The following ADAMTS2 variants were observed in gnomAD, a reference collection of about 807,000 sequenced individuals.
ADAMTS2 encodes A disintegrin and metalloproteinase with thrombospondin motifs 2.
In ADAMTS2, 50 loss-of-function variants were observed where a neutral mutation model predicts 123.0. That is an observed-to-expected ratio of 0.41 (90% CI 0.32 to 0.51). The LOEUF (loss-of-function observed/expected upper bound fraction) is 0.51. ADAMTS2 is among the 20% of genes least tolerant of loss of function. The pLI, the probability that ADAMTS2 is intolerant of heterozygous loss-of-function variation, is 0.35. For synonymous variants in ADAMTS2, 678 were observed against 695.4 expected, an observed-to-expected ratio of 0.98 and a Z score of 0.39; for missense variants, 1,494 against 1,705.2, an observed-to-expected ratio of 0.88 and a Z score of 2.18.
chr5:179,205,972 C>T (rs566590893), intron 4 of ADAMTS2, among the ~76,000 whole-genome samples: 95 of 152,004 alleles, frequency 6.2e-4, no homozygotes, highest in African/African-American at 2.2e-3. Flanking sequence ...GGGGTTTCAC[C>T]GTGGTCTCGA....
At position 179,262,573 on chromosome 5, in the gene ADAMTS2, C is replaced by T. The variant is rs1766261001; in HGVS notation, c.688+10338G>A. Among the ~76,000 whole-genome samples the T allele has an allele frequency of 6.6e-6, 1 of 152,178 alleles. No homozygotes were observed. The highest frequency in any genetic ancestry group is 1.5e-5 in the Non-Finnish European group (1 of 68,040). On this transcript the variant is annotated intron_variant, in intron 3 of 21. Coordinates refer to ENST00000251582, the MANE Select transcript of ADAMTS2 (RefSeq NM_014244.5). The surrounding 1 kb of genome is among the most constrained non-coding windows in gnomAD (Gnocchi z 5.9). Reference sequence around the variant, plus strand: ...CAGGTACTAGCTCTTCCTTCTGCCCCTTGGTCACGCTGCGGTAACTCCAGC... The same window carrying T: ...CAGGTACTAGCTCTTCCTTCTGCCCTTTGGTCACGCTGCGGTAACTCCAGC...
intron 5 of ADAMTS2, among the ~76,000 whole-genome samples, chr5:179,168,796 G>A (rs959710217): frequency 6.6e-6 from 1 of 152,166 alleles, no homozygotes; most frequent in Non-Finnish European, 1.5e-5. Context: ...TGCAAAGTGG[G>A]CTCCCCCAAG....
intron 3 of ADAMTS2, among the ~76,000 whole-genome samples, chr5:179,213,628 C>T (rs970699098): frequency 1.3e-5 from 2 of 152,108 alleles, no homozygotes; most frequent in Admixed American, 6.5e-5. Context: ...AGAACAGGAG[C>T]AAAAGTGTGG....
chr5:179,167,583 G>A (rs1013712581), intron 5 of ADAMTS2, among the ~76,000 whole-genome samples: 4 of 152,122 alleles, frequency 2.6e-5, no homozygotes, highest in African/African-American at 9.7e-5. Flanking sequence ...CTGGAACCGC[G>A]CCCGCCCCGC....
Position 179,260,129 on chromosome 5 carries a change from G to A in ADAMTS2, c.688+12782C>T, listed in dbSNP as rs568682273. Among the ~76,000 whole-genome samples, 1 of 152,174 alleles carries A rather than the reference G, an allele frequency of 6.6e-6. No homozygotes were observed. The highest frequency in any genetic ancestry group is 2.4e-5 in the African/African-American group (1 of 41,512). On this transcript the variant is annotated intron_variant, in intron 3 of 21. Coordinates refer to ENST00000251582, the MANE Select transcript of ADAMTS2 (RefSeq NM_014244.5). The surrounding 1 kb of genome is among the most constrained non-coding windows in gnomAD (Gnocchi z 4.2). ...GGCCCAGGGCCACCCAATGTCCCAT[G>A]GGCCCATGGGACCAGTAGCCACCCA...
At chr5:179,163,902 C>A (rs1763647488) in intron 5 of ADAMTS2, among the ~76,000 whole-genome samples, 2 of 152,014 alleles carry the variant, frequency 1.3e-5, no homozygotes, top group Non-Finnish European at 2.9e-5. Flanking sequence ...GAGGAGACTC[C>A]CTGAGGAGGG....
chr5:179,299,582 G>A (rs1756455177), intron 2 of ADAMTS2, among the ~76,000 whole-genome samples: 1 of 135,164 alleles, frequency 7.4e-6, no homozygotes, highest in Admixed American at 7.6e-5. Context: ...GACAGTTCTA[G>A]AGATCTGAAG....
At chr5:179,344,183 G>T (rs1227541050) in intron 1 of ADAMTS2, 22 bp from the exon 2 acceptor site, 6 of 1,573,448 alleles carry the variant, frequency 3.8e-6, no homozygotes, top group Non-Finnish European at 5.2e-6. Flanking sequence ...AGGGGCGTTA[G>T]ATCGGCGGAG....
chr5:179,208,121 T>TGACG (rs1561806044), intron 3 of ADAMTS2, among the ~76,000 whole-genome samples: 1 of 145,386 alleles, frequency 6.9e-6, no homozygotes, highest in Non-Finnish European at 1.5e-5. Flanking sequence ...CCGCACTGCC[T>TGACG]GACGCTGGAG....
chr5:179,278,189 C>T (rs1447965977), intron 2 of ADAMTS2, among the ~76,000 whole-genome samples: 7 of 141,300 alleles, frequency 5.0e-5, no homozygotes, highest in African/African-American at 8.0e-5. Context: ...AAGGCTGACC[C>T]CCCCAAGACC....
intron 12 of ADAMTS2, 60 bp downstream of exon 12, chr5:179,137,709 C>T (rs1763089558): frequency 7.2e-7 from 1 of 1,394,506 alleles, no homozygotes; most frequent in Non-Finnish European, 9.8e-7. Context: ...CAAGCCCCCA[C>T]CCTGCCCACC....
chr5:179,273,985 A>G (rs1766619128), intron 2 of ADAMTS2, among the ~76,000 whole-genome samples: 1 of 151,452 alleles, frequency 6.6e-6, no homozygotes, highest in Non-Finnish European at 1.5e-5. Flanking sequence ...CCAACTCAGG[A>G]ATCCCCATTC....
Position 179,314,071 on chromosome 5 carries a change from C to T in ADAMTS2, c.534+29696G>A, listed in dbSNP as rs1269340141. ...AACCTGATGGTGGGGCGGGGGGGTT[C>T]CTCACACACCCCACACCCCTGCCTA... On this transcript the variant is annotated intron_variant, in intron 2 of 21. Coordinates refer to ENST00000251582, the MANE Select transcript of ADAMTS2 (RefSeq NM_014244.5). This position sits in a 1 kb window ranked among gnomAD's most constrained non-coding sequence, Gnocchi z 4.5. Among the ~76,000 whole-genome samples the T allele has an allele frequency of 2.0e-5, 3 of 152,140 alleles. No homozygotes were observed. Among genetic ancestry groups the T allele is most frequent in the Non-Finnish European group, 2.9e-5 (2 of 67,992 alleles).
chr5:179,344,272 G>T, intron 1 of ADAMTS2, 111 bp from the exon 2 acceptor site: 2 of 1,401,032 alleles, frequency 1.4e-6, no homozygotes, highest in Non-Finnish European at 1.9e-6. Flanking sequence ...AAGGGAAGGG[G>T]CATTCCGCCA....
intron 4 of ADAMTS2, among the ~76,000 whole-genome samples, chr5:179,193,594 T>C (rs1764355432): frequency 6.6e-6 from 1 of 151,872 alleles, no homozygotes; most frequent in Admixed American, 6.5e-5. Flanking sequence ...CCACGAGGAG[T>C]TCCACACCCA....
intron 2 of ADAMTS2, among the ~76,000 whole-genome samples, chr5:179,334,925 G>C (rs1305159769): frequency 6.6e-6 from 1 of 152,150 alleles, no homozygotes; most frequent in Non-Finnish European, 1.5e-5. Flanking sequence ...CATCAAAGCA[G>C]AATGAAATAA....
At chr5:179,329,208 T>G (rs544348419) in intron 2 of ADAMTS2, among the ~76,000 whole-genome samples, 1 of 151,630 alleles carries the variant, frequency 6.6e-6, no homozygotes, top group Non-Finnish European at 1.5e-5. Context: ...GCGCCTGTAG[T>G]CCCAGCTACT....
In ADAMTS2 at chr5:179,185,409, G is replaced by A. The variant is rs1764146160; in HGVS notation, c.892-4254C>T. On this transcript the variant is annotated intron_variant, in intron 4 of 21. Transcript: ENST00000251582. This position sits in a 1 kb window ranked among gnomAD's most constrained non-coding sequence, Gnocchi z 5.9. ...GGGGCTCTGGAAGGGCATTCCGGCA[G>A]CTCCCACAGGGCGGAGGGAGGAGAT... Among the ~76,000 whole-genome samples, 1 of 152,212 alleles carries A rather than the reference G, an allele frequency of 6.6e-6. No individual in the cohort carries two copies. Among genetic ancestry groups the A allele is most frequent in the Non-Finnish European group, 1.5e-5 (1 of 67,984 alleles).
At chr5:179,261,249 T>A (rs1387746062) in intron 3 of ADAMTS2, among the ~76,000 whole-genome samples, 1 of 152,196 alleles carries the variant, frequency 6.6e-6, no homozygotes, top group African/African-American at 2.4e-5. Context: ...AGATCACTCA[T>A]CCTCGCCAGT....
Sources: gnomAD v4.1 joint callset for allele counts (sites outside exome capture counted in the v4.1 genomes callset) on GRCh38, gnomAD v4.1.1 for gene constraint, Gnocchi (gnomAD v3.1) non-coding constraint, MANE v1.5 for transcripts, NCBI Gene and HGNC (gene_info 2026-07-23, HGNC 2026-07-21) for gene names.